Variants in FSIP1 observed in about 807,000 individuals in gnomAD.
The protein encoded by FSIP1 is fibrous sheath-interacting protein 1.
Under a neutral mutation model 60.9 loss-of-function variants are expected in FSIP1, and 65 were observed. The observed-to-expected ratio is 1.07, with a 90% CI of 0.87 to 1.31. The LOEUF (loss-of-function observed/expected upper bound fraction) is 1.31, where lower values mean the gene tolerates loss of function less well. Among genes scored for constraint, FSIP1 ranks in the 40% most tolerant of loss-of-function variants. The pLI, the probability that FSIP1 is intolerant of heterozygous loss-of-function variation, is 0.00. For missense variants in FSIP1, 675 were observed against 665.5 expected (o/e 1.01, Z -0.16); for synonymous variants, 209 against 221.2 (o/e 0.94, Z 0.49).
At chr15:39,719,926 G>C (rs961449467) in intron 9 of FSIP1, among the ~76,000 whole-genome samples, 32 of 152,236 alleles carry the variant, frequency 2.1e-4, no homozygotes, top group Non-Finnish European at 3.4e-4. Context: ...TGGAGGTAAA[G>C]AGCTCTGAAG....
At chr15:39,765,869 T>A (rs1324171922) in intron 3 of FSIP1, 123 bp from the exon 4 acceptor site, 2 of 537,852 alleles carry the variant, frequency 3.7e-6, no homozygotes, top group Admixed American at 4.0e-5. Flanking sequence ...AACTACTACA[T>A]TGGTACCATG....
At chr15:39,664,883 C>G (rs1006832083) in intron 10 of FSIP1, among the ~76,000 whole-genome samples, 2 of 152,294 alleles carry the variant, frequency 1.3e-5, no homozygotes, top group South Asian at 4.1e-4. Context: ...TCCTCTCTAA[C>G]TGTAAAAATA....
At chr15:39,771,613 G>A (rs1157711085) in intron 2 of FSIP1, among the ~76,000 whole-genome samples, 1 of 152,144 alleles carries the variant, frequency 6.6e-6, no homozygotes, top group African/African-American at 2.4e-5. Flanking sequence ...ATTACTATCA[G>A]TCATGGCCTG....
At chr15:39,636,706 G>A (rs1372871742) in intron 10 of FSIP1, among the ~76,000 whole-genome samples, 1 of 152,168 alleles carries the variant, frequency 6.6e-6, no homozygotes, top group Non-Finnish European at 1.5e-5. Context: ...CAAAATAAGG[G>A]ACCTAGCTGT....
At chr15:39,695,501 T>C (rs745476674) in intron 10 of FSIP1, among the ~76,000 whole-genome samples, 1 of 152,146 alleles carries the variant, frequency 6.6e-6, no homozygotes, top group African/African-American at 2.4e-5. Flanking sequence ...GTCCCCTATA[T>C]AATTTTAAAT....
chr15:39,710,884 G>A (rs1247922476), intron 10 of FSIP1, among the ~76,000 whole-genome samples: 1 of 152,146 alleles, frequency 6.6e-6, no homozygotes, highest in Non-Finnish European at 1.5e-5. Flanking sequence ...GCTCATAGTT[G>A]GTATTCAATA....
chr15:39,741,552 T>C (rs182200746), intron 6 of FSIP1, among the ~76,000 whole-genome samples: 28 of 152,366 alleles, frequency 1.8e-4, no homozygotes, highest in African/African-American at 6.7e-4. Flanking sequence ...AAGCCAGGTT[T>C]TCATTACTTG....
At chr15:39,629,899 C>G (rs1305890825) in intron 10 of FSIP1, among the ~76,000 whole-genome samples, 1 of 152,202 alleles carries the variant, frequency 6.6e-6, no homozygotes, top group African/African-American at 2.4e-5. Flanking sequence ...AATGGTCAGT[C>G]CTGACAAATT....
chr15:39,776,065 T>A (rs942294820), intron 2 of FSIP1, among the ~76,000 whole-genome samples: 3 of 139,990 alleles, frequency 2.1e-5, no homozygotes, highest in Admixed American at 1.5e-4. Flanking sequence ...ACACAAGTTT[T>A]AACAAAGTAC....
At chr15:39,675,307 A>ACATTCCTCTGTGC (rs1454302000) in intron 10 of FSIP1, among the ~76,000 whole-genome samples, 1 of 152,222 alleles carries the variant, frequency 6.6e-6, no homozygotes, top group African/African-American at 2.4e-5. Context: ...CTGTATATAT[A>ACATTCCTCTGTGC]CATTCCTCTG....
intron 11 of FSIP1, among the ~76,000 whole-genome samples, chr15:39,608,672 G>T (rs543224451): frequency 2.1e-4 from 32 of 152,328 alleles, no homozygotes; most frequent in African/African-American, 7.5e-4. Flanking sequence ...AATTGCATTT[G>T]TAAGTGAACT....
chr15:39,669,159 G>A (rs6492910), intron 10 of FSIP1, among the ~76,000 whole-genome samples: 89,920 of 151,898 alleles, frequency 0.59, 29,232 homozygotes, highest in Non-Finnish European at 0.75. Flanking sequence ...GCAGAGTGCT[G>A]CTTGCCTGAG....
intron 8 of FSIP1, among the ~76,000 whole-genome samples, chr15:39,736,848 C>A (rs576985170): frequency 6.6e-5 from 10 of 152,258 alleles, no homozygotes; most frequent in Admixed American, 6.5e-4. Flanking sequence ...AGTCTGATCC[C>A]TGGGGAAGCT....
At chr15:39,775,622 G>A (rs1181324238) in intron 2 of FSIP1, among the ~76,000 whole-genome samples, 1 of 152,190 alleles carries the variant, frequency 6.6e-6, no homozygotes, top group African/African-American at 2.4e-5. Flanking sequence ...GGAGGGGCCT[G>A]GTGGTAGGTG....
At chr15:39,644,330 C>A (rs756934785) in intron 10 of FSIP1, among the ~76,000 whole-genome samples, 4 of 152,128 alleles carry the variant, frequency 2.6e-5, no homozygotes, top group Non-Finnish European at 5.9e-5. Flanking sequence ...GCATTTAAAA[C>A]GGCTGTTCCT....
chr15:39,617,409 T>C (rs1891271152), intron 11 of FSIP1, among the ~76,000 whole-genome samples: 1 of 152,220 alleles, frequency 6.6e-6, no homozygotes, highest in African/African-American at 2.4e-5. Flanking sequence ...TTGAAAATAC[T>C]AAAGTTTGAA....
chr15:39,776,183 C>T (rs1369287307), intron 2 of FSIP1, among the ~76,000 whole-genome samples: 17 of 28,528 alleles, frequency 6.0e-4, no homozygotes, highest in Admixed American at 1.4e-3. Flanking sequence ...AGGGGAGGGG[C>T]GGAGGGAGGA....
At chr15:39,772,413 C>T (rs1226860811) in intron 2 of FSIP1, among the ~76,000 whole-genome samples, 4 of 152,108 alleles carry the variant, frequency 2.6e-5, no homozygotes, top group African/African-American at 9.6e-5. Context: ...CCACCTCAGC[C>T]TCCCTGACTA....
At chr15:39,733,077 G>A (rs1438849194) in intron 8 of FSIP1, among the ~76,000 whole-genome samples, 4 of 152,088 alleles carry the variant, frequency 2.6e-5, no homozygotes, top group African/African-American at 9.7e-5. Flanking sequence ...GTCTCTCTCT[G>A]TTGCCCAGGC....
Sources: gnomAD v4.1 joint callset for allele counts (sites outside exome capture counted in the v4.1 genomes callset) on GRCh38, gnomAD v4.1.1 for gene constraint, MANE v1.5 for transcripts, NCBI Gene and HGNC (gene_info 2026-07-23, HGNC 2026-07-21) for gene names.